HCN2: variants seen among roughly 807,000 people sequenced by gnomAD.
HCN2 encodes potassium/sodium hyperpolarization-activated cyclic nucleotide-gated channel 2.
HCN2 carries 20 observed loss-of-function variants against 52.3 expected under a neutral mutation model. The observed-to-expected ratio is 0.38, with a 90% confidence interval of 0.27 to 0.56. HCN2 has a LOEUF of 0.56. HCN2 is among the 20% of genes least tolerant of loss of function. The pLI, the probability that HCN2 is intolerant of heterozygous loss-of-function variation, is 0.71. For missense variants in HCN2, 981 were observed against 1,207.7 expected (o/e 0.81, Z 2.78); for synonymous variants, 694 against 537.0 (o/e 1.29, Z -4.04).
At chr19:614,158 C>T (rs1568369224) in intron 7 of HCN2, 142 bp downstream of exon 7, 9 of 606,922 alleles carry the variant, frequency 1.5e-5, no homozygotes, top group South Asian at 2.8e-5. Context: ...AGAGACGTGG[C>T]CAAGGCATCA....
chr19:607,838 A>C, intron 3 of HCN2, 126 bp from the exon 4 acceptor site: 1 of 657,196 alleles, frequency 1.5e-6, no homozygotes, highest in Admixed American at 2.5e-5. Context: ...TCTCTTGGTT[A>C]CCTCTGAACA....
At chr19:602,795 A>G in intron 1 of HCN2, among the ~76,000 whole-genome samples, 1 of 152,204 alleles carries the variant, frequency 6.6e-6, no homozygotes, top group East Asian at 1.9e-4. Flanking sequence ...GGTCTCCTGC[A>G]TCTTCAAGGA....
At chr19:613,057 C>T (rs558551238) in intron 5 of HCN2, among the ~76,000 whole-genome samples, 191 bp from the exon 6 acceptor site, 11 of 152,318 alleles carry the variant, frequency 7.2e-5, no homozygotes, top group South Asian at 6.2e-4. Flanking sequence ...CGGTGTCAAA[C>T]GGCGAAGGGG....
intron 1 of HCN2, among the ~76,000 whole-genome samples, chr19:598,262 A>G (rs1600520056): frequency 6.6e-6 from 1 of 150,462 alleles, no homozygotes; most frequent in African/African-American, 2.5e-5. Context: ...ATTTGATTTC[A>G]CCCTTCAAGC....
intron 1 of HCN2, among the ~76,000 whole-genome samples, chr19:599,230 C>T (rs370888722): frequency 5.3e-5 from 8 of 152,204 alleles, no homozygotes; most frequent in Non-Finnish European, 7.3e-5. Context: ...ATCATTTCCC[C>T]GAAGTGGAGC....
Position 615,975 on chromosome 19 carries a change from C to A in HCN2, c.2171C>A (p.Thr724Asn), listed in dbSNP as rs765070651. The change falls in exon 8 of 8, where the codon ACC becomes AAC. Residue 724 changes from threonine (T) to asparagine (N), a missense_variant. Around this residue, in one of 6 missense-constraint regions of HCN2, gnomAD observed 368 missense variants for 314.8 expected, o/e 1.17. Coordinates refer to ENST00000251287, the MANE Select transcript of HCN2 (RefSeq NM_001194.4). ...FPPPPPPPQV[T>N]SAIATLQQAA... ...CCGCCGCCGCCGCCGCCGCAGGTCA[C>A]CTCGGCCATCGCCACGCTGCAGCAG... 1.3e-6 allele frequency: 2 copies of A among 1,597,560 alleles called. No individual in the cohort carries two copies. The highest frequency in any genetic ancestry group is 2.2e-5 in the South Asian group (2 of 90,052).
chr19:616,261 A>G lies in HCN2; in HGVS notation c.2457A>G (p.Pro819=), dbSNP rs1343088013. 2.4e-4 allele frequency: 244 copies of G among 1,029,486 alleles called. No homozygotes were observed. Among genetic ancestry groups the G allele is most frequent in the Non-Finnish European group, 2.8e-4 (239 of 863,054 alleles). The allele number at this position is 1,029,486 out of a possible 1,614,324, so 63.8% of individuals were successfully genotyped here. A position where few individuals can be genotyped will look rare whatever the true frequency, so the allele number is the denominator to read the frequency against. The change falls in exon 8 of 8, where the codon CCA becomes CCG. Residue 819 remains proline (P), a synonymous_variant. Transcript: ENST00000251287. ...PARRLSRASR[P]LSASQPSLPH... ...GCCGCCTGAGCCGCGCGTCGCGCCC[A>G]CTGTCCGCCTCGCAGCCCTCGCTGC... is the stretch of plus-strand genomic sequence containing the variant.
chr19:607,803 C>T (rs1169302275), intron 3 of HCN2, among the ~76,000 whole-genome samples, 161 bp from the exon 4 acceptor site: 1 of 152,212 alleles, frequency 6.6e-6, no homozygotes, highest in Non-Finnish European at 1.5e-5. Context: ...GTGTGCAAAC[C>T]ATGTCATCTA....
At chr19:612,394 G>GT (rs1491165133) in intron 5 of HCN2, among the ~76,000 whole-genome samples, 6 of 9,310 alleles carry the variant, frequency 6.4e-4, no homozygotes, top group East Asian at 0.019. Flanking sequence ...CTTTCCACTG[G>GT]TGTGTGTGTG....
chr19:612,755 G>A (rs1983697403), intron 5 of HCN2, among the ~76,000 whole-genome samples: 1 of 149,520 alleles, frequency 6.7e-6, no homozygotes, highest in Non-Finnish European at 1.5e-5. Context: ...TTTTGAGTCA[G>A]GGTCTTGTTC....
intron 5 of HCN2, 89 bp downstream of exon 5, chr19:610,494 G>A: frequency 8.3e-7 from 1 of 1,201,294 alleles, no homozygotes; most frequent in Non-Finnish European, 1.2e-6. Flanking sequence ...CCCTGAGGGA[G>A]GCGAGGTGCC....
intron 5 of HCN2, among the ~76,000 whole-genome samples, chr19:610,897 G>A (rs751489482): frequency 5.3e-5 from 8 of 152,196 alleles, no homozygotes; most frequent in South Asian, 4.1e-4. Flanking sequence ...ACATCAAGGC[G>A]TGGGCCGGGC....
At chr19:610,154 G>GA in intron 4 of HCN2, 105 bp from the exon 5 acceptor site, 1 of 1,368,086 alleles carries the variant, frequency 7.3e-7, no homozygotes, top group South Asian at 1.3e-5. Context: ...GCAGGCTGGG[G>GA]GCGGTGTCTG....
chr19:589,906 G>T lies in HCN2; in HGVS notation c.-40G>T, dbSNP rs1982809625. Reference sequence around the variant, plus strand: ...CCCTCGGGCTCCGGCCGGCGGCGGCGGCGGCGGCTCCGCTCCGCACTGCCC... The same window carrying T: ...CCCTCGGGCTCCGGCCGGCGGCGGCTGCGGCGGCTCCGCTCCGCACTGCCC... On this transcript the variant is annotated 5_prime_UTR_variant, in exon 1 of 8. Coordinates refer to ENST00000251287, the MANE Select transcript of HCN2 (RefSeq NM_001194.4). 5.9e-6 allele frequency: 5 copies of T among 843,722 alleles called. No individual in the cohort carries two copies. The highest frequency in any genetic ancestry group is 7.0e-5 in the Admixed American group (1 of 14,254). 52.3% of individuals were successfully genotyped at this position (843,722 alleles called of 1,614,324 possible).
chr19:607,698 G>T (rs1983468246), intron 3 of HCN2, among the ~76,000 whole-genome samples: 1 of 152,218 alleles, frequency 6.6e-6, no homozygotes, highest in Non-Finnish European at 1.5e-5. Flanking sequence ...GCAAAAGGCG[G>T]GACCCAGACT....
intron 7 of HCN2, 145 bp downstream of exon 7, chr19:614,161 A>T: frequency 1.7e-6 from 1 of 579,296 alleles, no homozygotes; most frequent in Non-Finnish European, 2.7e-6. Context: ...GACGTGGCCA[A>T]GGCATCAGGA....
Position 611,320 on chromosome 19 carries a change from C to T in HCN2, c.1584+915C>T, listed in dbSNP as rs77377345. 9.4e-4 allele frequency among the ~76,000 whole-genome samples: 143 copies of T among 152,302 alleles called. 2 individuals are homozygous for T. The East Asian group carries it at 0.018, about 20-fold the overall frequency. On this transcript the variant is annotated intron_variant, in intron 5 of 7. Transcript: ENST00000251287. Reference sequence around the variant, plus strand: ...GGCCTAGGGATGGCGGCCGTGATCACGCAGGCAGCAGAGAGCAGCTCTGGG... The same window carrying T: ...GGCCTAGGGATGGCGGCCGTGATCATGCAGGCAGCAGAGAGCAGCTCTGGG...
intron 1 of HCN2, among the ~76,000 whole-genome samples, chr19:603,189 G>A (rs1239178670): frequency 7.4e-6 from 1 of 134,754 alleles, no homozygotes; most frequent in East Asian, 2.2e-4. Flanking sequence ...AGGTGCCTGG[G>A]GGAATGCACC....
intron 5 of HCN2, among the ~76,000 whole-genome samples, chr19:610,663 G>A (rs1983591915): frequency 1.3e-5 from 2 of 152,220 alleles, no homozygotes; most frequent in African/African-American, 4.8e-5. Flanking sequence ...GGGCGGGGCA[G>A]AAGCAGGGCA....
Sources: gnomAD v4.1 joint callset for allele counts (sites outside exome capture counted in the v4.1 genomes callset) on GRCh38, gnomAD v4.1.1 for gene constraint, gnomAD v4.1.1 regional missense constraint, MANE v1.5 for transcripts, NCBI Gene and HGNC (gene_info 2026-07-23, HGNC 2026-07-21) for gene names.